Variants in ZNF189 observed in about 807,000 individuals in gnomAD.
The protein encoded by ZNF189 is zinc finger protein 189.
A neutral mutation model predicts 53.5 loss-of-function variants in ZNF189; 33 were observed. That is an observed-to-expected ratio of 0.62 (90% CI 0.47 to 0.82). The LOEUF is 0.82. ZNF189 is among the 40% of genes least tolerant of loss of function. The pLI, the probability that ZNF189 is intolerant of heterozygous loss-of-function variation, is 0.00. For missense variants in ZNF189, 711 were observed against 753.9 expected, an observed-to-expected ratio of 0.94 and a Z score of 0.67; for synonymous variants, 247 against 238.8, an observed-to-expected ratio of 1.03 and a Z score of -0.32.
rs952627456 is a variant in ZNF189, at chr9:101,399,274, C to T, written c.33+85C>T. 144 of 1,409,242 alleles carry T rather than the reference C, an allele frequency of 1.0e-4. 2 individuals are homozygous for T. The highest frequency in any genetic ancestry group is 2.3e-5 in the Non-Finnish European group (24 of 1,043,344). The allele number at this position is 1,409,242 out of a possible 1,614,324, so 87.3% of individuals were successfully genotyped here. A position where few individuals can be genotyped will look rare whatever the true frequency, so the allele number is the denominator to read the frequency against. On this transcript the variant is annotated intron_variant, in intron 1 of 2. Transcript: ENST00000339664. Reference sequence around the variant, plus strand: ...CCACTGCTTTCTCCCCCAGGCCCCCCACCAACCTCCTGACCGCCTCTTTAG... The same window carrying T: ...CCACTGCTTTCTCCCCCAGGCCCCCTACCAACCTCCTGACCGCCTCTTTAG...
In ZNF189 at chr9:101,402,823, G is replaced by T. The variant is rs1364717884; in HGVS notation, c.160+2813G>T. Among the ~76,000 whole-genome samples the T allele has an allele frequency of 3.3e-5, 5 of 152,098 alleles. No individual in the cohort carries two copies. In the East Asian group the frequency reaches 9.6e-4, roughly 29 times the overall value. On this transcript the variant is annotated intron_variant, in intron 2 of 2. Transcript: ENST00000339664. ...GACTGAGTAAGTACAGTTAACTTAAGACTCAGTATCTCTTAACTGGATTAT... is the reference window on the plus strand; with the variant it reads ...GACTGAGTAAGTACAGTTAACTTAATACTCAGTATCTCTTAACTGGATTAT...
chr9:101,398,895 G>A lies in ZNF189; in HGVS notation c.-262G>A. ...TGCAAGGAGGAGGAACTGGCAGCGG[G>A]GAGGAGGCTCTAGCGAGGCCTGAAA... is the stretch of plus-strand genomic sequence containing the variant. On this transcript the variant is annotated 5_prime_UTR_variant, in exon 1 of 3. Coordinates refer to ENST00000339664, the MANE Select transcript of ZNF189 (RefSeq NM_003452.4). 1 of 600,658 alleles carries A rather than the reference G, an allele frequency of 1.7e-6. No homozygotes were observed. Among genetic ancestry groups the A allele is most frequent in the Non-Finnish European group, 3.0e-6 (1 of 338,634 alleles). 37.2% of individuals were successfully genotyped at this position (600,658 alleles called of 1,614,324 possible). A position where few individuals can be genotyped will look rare whatever the true frequency, so the allele number is the denominator to read the frequency against.
Position 101,406,849 on chromosome 9 carries a change from A to C in ZNF189, c.161-1080A>C, listed in dbSNP as rs550118529. On this transcript the variant is annotated intron_variant, in intron 2 of 2. Coordinates refer to ENST00000339664, the MANE Select transcript of ZNF189 (RefSeq NM_003452.4). ...ATGACACTCTGTTATATCATAGACC[A>C]CTGTGCTGTCTTTTCTTCAACACAT... 7.2e-5 allele frequency among the ~76,000 whole-genome samples: 11 copies of C among 152,324 alleles called. No individual in the cohort carries two copies. In the South Asian group the frequency reaches 2.3e-3, roughly 32 times the overall value.
rs1014523261 is a variant in ZNF189, at chr9:101,408,375, C to T, written c.607C>T (p.Pro203Ser). ...TCAGAGAATTCACACTGGGGAAAGG[C>T]CCTATGAGTGTAATTACTGTGGAAA... Reference protein sequence around the residue: ...EHQRIHTGERPYECNYCGKTF... With the variant: ...EHQRIHTGERSYECNYCGKTF... The change falls in exon 3 of 3, where the codon CCC becomes TCC. Residue 203 changes from proline (P) to serine (S), a missense_variant. Transcript: ENST00000339664. 6 of 1,614,036 alleles carry T rather than the reference C, an allele frequency of 3.7e-6. No homozygotes were observed. The highest frequency in any genetic ancestry group is 5.1e-6 in the Non-Finnish European group (6 of 1,180,014).
At position 101,399,041 on chromosome 9, in the gene ZNF189, C is replaced by A; in HGVS notation, c.-116C>A. ...GGGCCGAGGCAGGCACTGGCCAGAC[C>A]CAGCCAGGGATCCTCGTATTCGTCG... On this transcript the variant is annotated 5_prime_UTR_variant, in exon 1 of 3. Coordinates refer to ENST00000339664, the MANE Select transcript of ZNF189 (RefSeq NM_003452.4). The A allele has an allele frequency of 1.3e-6, 1 of 799,784 alleles. No homozygotes were observed. Among genetic ancestry groups the A allele is most frequent in the South Asian group, 1.4e-5 (1 of 69,624 alleles). 49.5% of individuals were successfully genotyped at this position (799,784 alleles called of 1,614,324 possible).
Position 101,408,383 on chromosome 9 carries a change from G to T in ZNF189, c.615G>T (p.Glu205Asp), listed in dbSNP as rs1413616844. 6.2e-7 allele frequency: 1 copy of T among 1,610,396 alleles called. No homozygotes were observed. The highest frequency in any genetic ancestry group is 8.5e-7 in the Non-Finnish European group (1 of 1,178,834). Residue 205 changes from glutamate to aspartate, a missense_variant, in exon 3 of 3, where the codon GAG becomes GAT. By Grantham distance (45) the Glu-to-Asp change is conservative (BLOSUM62 2). Transcript: ENST00000339664. ...TTCACACTGGGGAAAGGCCCTATGA[G>T]TGTAATTACTGTGGAAAAACCTTTA... ...QRIHTGERPYECNYCGKTFSV... is the reference protein window; with the variant it reads ...QRIHTGERPYDCNYCGKTFSV...
rs774548437 is a variant in ZNF189, at chr9:101,408,588, C to T, written c.820C>T (p.His274Tyr). 6.2e-7 allele frequency: 1 copy of T among 1,614,140 alleles called. No individual in the cohort carries two copies. The highest frequency in any genetic ancestry group is 8.5e-7 in the Non-Finnish European group (1 of 1,180,020). Residue 274 changes from histidine (H) to tyrosine (Y), a missense_variant, in exon 3 of 3, where the codon CAC (histidine) becomes TAC (tyrosine). By Grantham distance (83) the His-to-Tyr change is moderately conservative (BLOSUM62 2). Transcript: ENST00000339664. ...TGGGAAAGCCTTCAGTTGGAAATCA[C>T]ACCTTATTGAGCATCAAAGAACTCA... ...DCGKAFSWKS[H>Y]LIEHQRTHTG...
Position 101,409,403 on chromosome 9 carries a change from T to C in ZNF189, c.1635T>C (p.Cys545=). The change falls in exon 3 of 3, where the codon TGT becomes TGC. Residue 545 remains cysteine, a synonymous_variant. Transcript: ENST00000339664. ...ATAAACCCCATAAATGTGATGAATG[T>C]GGAAAGGCCTTTAGCCGGAACTCGG... ...TGNKPHKCDE[C]GKAFSRNSGL... is the part of the protein sequence containing the mutation. 6.2e-7 allele frequency: 1 copy of C among 1,614,182 alleles called. No individual in the cohort carries two copies. The highest frequency in any genetic ancestry group is 1.1e-5 in the South Asian group (1 of 91,086).
chr9:101,406,056 A>AG (rs931796087), intron 2 of ZNF189, among the ~76,000 whole-genome samples: 5 of 51,640 alleles, frequency 9.7e-5, no homozygotes, highest in Non-Finnish European at 2.2e-4. Context: ...ACTCTGTCTC[A>AG]AAAAAAAAAA....
chr9:101,400,041 A>G, intron 2 of ZNF189, 31 bp downstream of exon 2: 1 of 1,608,760 alleles, frequency 6.2e-7, no homozygotes. Flanking sequence ...TAATTAAAAT[A>G]TCTAAGAAGG....
chr9:101,408,722 T>C lies in ZNF189; in HGVS notation c.954T>C (p.Cys318=), dbSNP rs774838155. 1.2e-6 allele frequency: 2 copies of C among 1,614,170 alleles called. No homozygotes were observed. Among genetic ancestry groups the C allele is most frequent in the East Asian group, 2.2e-5 (1 of 44,878 alleles). ...RIHTGERPHK[C]GECGKAFRLS... ...ACACTGGGGAAAGACCCCATAAATG[T>C]GGTGAATGTGGGAAAGCCTTTCGAT... The change falls in exon 3 of 3, where the codon TGT becomes TGC. Residue 318 remains cysteine (C), a synonymous_variant. Transcript: ENST00000339664.
intron 2 of ZNF189, 46 bp from the exon 3 acceptor site, chr9:101,407,883 T>C: frequency 1.4e-6 from 2 of 1,466,568 alleles, no homozygotes; most frequent in Non-Finnish European, 1.8e-6. Context: ...TTCTCCTTGC[T>C]TCAAAGACCT....
chr9:101,399,141 A>G lies in ZNF189; in HGVS notation c.-16A>G, dbSNP rs201122863. ...GAGGCCGCCCCCAATTCCTGCCCCT[A>G]TTCTCTGCCTGGGAGATGGCTTCCC... On this transcript the variant is annotated 5_prime_UTR_variant, in exon 1 of 3. Transcript: ENST00000339664. The G allele has an allele frequency of 6.3e-5, 100 of 1,583,856 alleles. No individual in the cohort carries two copies. The highest frequency in any genetic ancestry group is 7.3e-5 in the Non-Finnish European group (84 of 1,154,052).
At position 101,406,388 on chromosome 9, in the gene ZNF189, C is replaced by T. The variant is rs150106950; in HGVS notation, c.161-1541C>T. Among the ~76,000 whole-genome samples, 25 of 152,048 alleles carry T rather than the reference C, an allele frequency of 1.6e-4. No homozygotes were observed. In the East Asian group the frequency reaches 3.7e-3, roughly 22 times the overall value. Reference sequence around the variant, plus strand: ...GCAAATGCCCAGAGGTGAGTAGGATCGGTAAGTGATGGATGGATTAGCCTT... The same window carrying T: ...GCAAATGCCCAGAGGTGAGTAGGATTGGTAAGTGATGGATGGATTAGCCTT... On this transcript the variant is annotated intron_variant, in intron 2 of 2. Coordinates refer to ENST00000339664, the MANE Select transcript of ZNF189 (RefSeq NM_003452.4).
At chr9:101,399,396 G>A in intron 1 of ZNF189, 10 of 1,376,258 alleles carry the variant, frequency 7.3e-6, no homozygotes, top group Non-Finnish European at 7.5e-6. Context: ...TTTTTCTAGA[G>A]AGACTTGATA....
chr9:101,401,373 T>C (rs1830527058), intron 2 of ZNF189, among the ~76,000 whole-genome samples: 1 of 152,056 alleles, frequency 6.6e-6, no homozygotes, highest in African/African-American at 2.4e-5. Context: ...CTTCTCTGCC[T>C]CTTATCTACA....
intron 2 of ZNF189, among the ~76,000 whole-genome samples, 174 bp downstream of exon 2, chr9:101,400,184 C>G (rs1830481862): frequency 6.6e-6 from 1 of 152,210 alleles, no homozygotes; most frequent in African/African-American, 2.4e-5. Context: ...CTTGAGGTGA[C>G]CAAACTGCAA....
intron 1 of ZNF189, chr9:101,399,432 C>T (rs1405886090): frequency 1.5e-6 from 2 of 1,357,264 alleles, no homozygotes; most frequent in African/African-American, 3.0e-5. Context: ...ATAAGTAATG[C>T]TCCAGACTAG....
At chr9:101,404,547 T>C (rs1276374582) in intron 2 of ZNF189, among the ~76,000 whole-genome samples, 1 of 152,224 alleles carries the variant, frequency 6.6e-6, no homozygotes, top group Non-Finnish European at 1.5e-5. Context: ...CTAGGTTTTA[T>C]GTTTTTTGTT....
Sources: gnomAD v4.1 joint callset for allele counts (sites outside exome capture counted in the v4.1 genomes callset) on GRCh38, gnomAD v4.1.1 for gene constraint, MANE v1.5 for transcripts, NCBI Gene and HGNC (gene_info 2026-07-23, HGNC 2026-07-21) for gene names.